CMIP: variants seen among roughly 807,000 people sequenced by gnomAD.
CMIP encodes the protein c-Maf inducing protein, also known as C-Maf-inducing protein.
A neutral mutation model predicts 97.3 loss-of-function variants in CMIP; 13 were observed. The ratio of observed to expected loss-of-function variants is 0.13; its 90% CI spans 0.09 to 0.21. The LOEUF (loss-of-function observed/expected upper bound fraction) is 0.21. CMIP is among the 10% of genes least tolerant of loss of function. The pLI is 1.00. For synonymous variants in CMIP, 538 were observed against 436.3 expected (o/e 1.23, Z -2.91); for missense variants, 847 against 1,024.9 (o/e 0.83, Z 2.37).
At chr16:81,486,725 G>A (rs1272986741) in intron 1 of CMIP, among the ~76,000 whole-genome samples, 4 of 152,228 alleles carry the variant, frequency 2.6e-5, no homozygotes, top group Admixed American at 6.5e-5. Flanking sequence ...CTCCCTAAGC[G>A]AATCCAGCTG....
At chr16:81,497,516 C>T (rs188161593) in intron 1 of CMIP, among the ~76,000 whole-genome samples, 2 of 152,334 alleles carry the variant, frequency 1.3e-5, no homozygotes, top group African/African-American at 2.4e-5. Context: ...GCGACTGTCT[C>T]ATTGTTTCAT....
chr16:81,621,632 A>G lies in CMIP; in HGVS notation c.477+706A>G, dbSNP rs1193654948. 1 of 152,718 alleles carries G rather than the reference A, an allele frequency of 6.5e-6. No homozygotes were observed. Among genetic ancestry groups the G allele is most frequent in the Non-Finnish European group, 1.5e-5 (1 of 68,142 alleles). 9.5% of individuals were successfully genotyped at this position (152,718 alleles called of 1,614,324 possible). On this transcript the variant is annotated intron_variant, in intron 3 of 20. Transcript: ENST00000537098. This position sits in a 1 kb window ranked among gnomAD's most constrained non-coding sequence, Gnocchi z 4.1. ...TCCTTGTCTTCTGATCTTCTGGTTT[A>G]GAACAAGCTTTGACAGGCCCCTGGC...
chr16:81,657,541 C>T (rs1171132522), intron 4 of CMIP, among the ~76,000 whole-genome samples: 1 of 152,144 alleles, frequency 6.6e-6, no homozygotes, highest in Non-Finnish European at 1.5e-5. Context: ...ATAACTCAAG[C>T]CCCGAAACAG....
At chr16:81,554,657 C>T (rs1277980555) in intron 1 of CMIP, among the ~76,000 whole-genome samples, 2 of 152,174 alleles carry the variant, frequency 1.3e-5, no homozygotes, top group Non-Finnish European at 2.9e-5. Context: ...CTTCATTCAC[C>T]GCTGTCAGCA....
At chr16:81,451,223 C>T (rs1906191667) in intron 1 of CMIP, among the ~76,000 whole-genome samples, 1 of 152,174 alleles carries the variant, frequency 6.6e-6, no homozygotes, top group African/African-American at 2.4e-5. Flanking sequence ...CGCTTTCCCC[C>T]ATACTGTTCT....
chr16:81,702,711 G>A, intron 17 of CMIP, 42 bp downstream of exon 17: 1 of 1,586,762 alleles, frequency 6.3e-7, no homozygotes. Flanking sequence ...TGGAGAAGGT[G>A]GGTTGGTCCT....
intron 1 of CMIP, among the ~76,000 whole-genome samples, chr16:81,520,996 AC>A (rs1029877743): frequency 6.6e-6 from 1 of 151,086 alleles, no homozygotes; most frequent in Non-Finnish European, 1.5e-5. Context: ...CAGAAAAAGG[AC>A]CCCCCGCCCC....
At chr16:81,698,086 A>T (rs1906963376) in intron 14 of CMIP, 1 of 144,618 alleles carries the variant, frequency 6.9e-6, no homozygotes, top group African/African-American at 2.6e-5. Flanking sequence ...TTGCATTTGT[A>T]TGCCAGAGCT....
intron 10 of CMIP, among the ~76,000 whole-genome samples, chr16:81,679,247 G>A (rs1344761112): frequency 6.7e-6 from 1 of 149,282 alleles, no homozygotes; most frequent in African/African-American, 2.5e-5. Context: ...GGATTTCTCT[G>A]TAGGGATGTG....
In CMIP at chr16:81,664,564, A is replaced by G. The variant is rs1042700613; in HGVS notation, c.825+215A>G. On this transcript the variant is annotated intron_variant, in intron 7 of 20. Transcript: ENST00000537098. ...CAGGAAGAATCTTTTTGCAGTTCCTAAGAATTACAAAAATACCGCAGCTGG... is the reference window on the plus strand; with the variant it reads ...CAGGAAGAATCTTTTTGCAGTTCCTGAGAATTACAAAAATACCGCAGCTGG... 8.6e-6 allele frequency: 5 copies of G among 580,674 alleles called. No homozygotes were observed. In the East Asian group the frequency reaches 1.1e-4, roughly 13 times the overall value. The allele number at this position is 580,674 out of a possible 1,614,324, so 36.0% of individuals were successfully genotyped here.
intron 17 of CMIP, 106 bp downstream of exon 17, chr16:81,702,775 G>A: frequency 1.0e-6 from 1 of 1,003,850 alleles, no homozygotes; most frequent in Non-Finnish European, 1.6e-6. Context: ...GGTGATGGAG[G>A]GCGGGGCACA....
intron 1 of CMIP, among the ~76,000 whole-genome samples, chr16:81,530,171 G>A (rs1417608100): frequency 2.0e-5 from 3 of 152,148 alleles, no homozygotes; most frequent in African/African-American, 7.2e-5. Flanking sequence ...ACTCATTCAG[G>A]ATCAAGGAAA....
chr16:81,578,217 A>G (rs1386836289), intron 1 of CMIP, among the ~76,000 whole-genome samples: 2 of 151,738 alleles, frequency 1.3e-5, no homozygotes, highest in South Asian at 2.1e-4. Flanking sequence ...CATCACCACC[A>G]TCATAACCAT....
At chr16:81,549,766 C>A (rs921664644) in intron 1 of CMIP, among the ~76,000 whole-genome samples, 2 of 152,220 alleles carry the variant, frequency 1.3e-5, no homozygotes, top group African/African-American at 2.4e-5. Context: ...CAGCAGGGCA[C>A]AGGGTGCTGG....
At chr16:81,572,427 G>A (rs1038434624) in intron 1 of CMIP, among the ~76,000 whole-genome samples, 1 of 152,242 alleles carries the variant, frequency 6.6e-6, no homozygotes, top group Admixed American at 6.5e-5. Flanking sequence ...GAGACTTTGG[G>A]TTCTTTCCTG....
intron 1 of CMIP, among the ~76,000 whole-genome samples, chr16:81,540,300 C>G (rs777736192): frequency 4.6e-5 from 7 of 152,146 alleles, no homozygotes; most frequent in African/African-American, 1.7e-4. Context: ...GCCTCTGATC[C>G]GTGAGATGGG....
At chr16:81,661,993 G>A (rs9934122) in intron 6 of CMIP, among the ~76,000 whole-genome samples, 124,984 of 152,118 alleles carry the variant, frequency 0.82, 51,587 homozygotes, top group South Asian at 0.92. Flanking sequence ...GTGAACACCC[G>A]TGAGTGTGTG....
At chr16:81,644,551 T>G (rs1286885124) in intron 3 of CMIP, among the ~76,000 whole-genome samples, 1 of 152,218 alleles carries the variant, frequency 6.6e-6, no homozygotes, top group South Asian at 2.1e-4. Flanking sequence ...TGACAGTCTC[T>G]GATGCTCACC....
Position 81,627,980 on chromosome 16 carries a change from C to G in CMIP, c.477+7054C>G, listed in dbSNP as rs1256897417. Among the ~76,000 whole-genome samples the G allele has an allele frequency of 6.6e-6, 1 of 152,150 alleles. No individual in the cohort carries two copies. The highest frequency in any genetic ancestry group is 6.5e-5 in the Admixed American group (1 of 15,278). Reference sequence around the variant, plus strand: ...GGGTCATGTCCCCACTGGCTGCACCCTCAGGAGGGCGGGATCCATCACCCT... The same window carrying G: ...GGGTCATGTCCCCACTGGCTGCACCGTCAGGAGGGCGGGATCCATCACCCT... On this transcript the variant is annotated intron_variant, in intron 3 of 20. Transcript: ENST00000537098. The surrounding 1 kb of genome is among the most constrained non-coding windows in gnomAD (Gnocchi z 4.6).
Sources: gnomAD v4.1 joint callset for allele counts (sites outside exome capture counted in the v4.1 genomes callset) on GRCh38, gnomAD v4.1.1 for gene constraint, Gnocchi (gnomAD v3.1) non-coding constraint, MANE v1.5 for transcripts, NCBI Gene and HGNC (gene_info 2026-07-23, HGNC 2026-07-21) for gene names.